The following NR6A1 variants were observed in gnomAD, a reference collection of about 807,000 sequenced individuals.
The protein encoded by NR6A1 is retinoic acid receptor-related testis-associated receptor.
In NR6A1, 7 loss-of-function variants were observed where a neutral mutation model predicts 59.1. That is an observed-to-expected ratio of 0.12 (90% CI 0.07 to 0.22). The LOEUF is 0.22. Among genes scored for constraint, NR6A1 ranks in the 10% least tolerant of loss-of-function variants. The pLI is 1.00. For missense variants in NR6A1, 468 were observed against 611.6 expected, an observed-to-expected ratio of 0.77 and a Z score of 2.48; for synonymous variants, 243 against 236.1, an observed-to-expected ratio of 1.03 and a Z score of -0.27.
At chr9:124,661,281 T>C (rs561819657) in intron 2 of NR6A1, among the ~76,000 whole-genome samples, 15 of 152,340 alleles carry the variant, frequency 9.8e-5, no homozygotes, top group African/African-American at 3.6e-4. Context: ...TTAATGGATA[T>C]TCTAAGTGAA....
chr9:124,737,234 C>T (rs1034363741), intron 1 of NR6A1, among the ~76,000 whole-genome samples: 2 of 152,178 alleles, frequency 1.3e-5, no homozygotes, highest in South Asian at 4.1e-4. Context: ...TCAGTAATTA[C>T]ATCTACATTC....
At chr9:124,598,943 G>A (rs1835363455) in intron 2 of NR6A1, 2 of 706,128 alleles carry the variant, frequency 2.8e-6, no homozygotes, top group Non-Finnish European at 5.3e-6. Context: ...CCAGACTCAG[G>A]CATGGTCATT....
chr9:124,761,299 T>C (rs939587623), intron 1 of NR6A1, among the ~76,000 whole-genome samples: 3 of 152,180 alleles, frequency 2.0e-5, no homozygotes, highest in African/African-American at 7.2e-5. Flanking sequence ...TTAGAGCTCT[T>C]AGGAAGGAAG....
At chr9:124,567,831 C>CTTTTTTTT (rs534591761) in intron 2 of NR6A1, among the ~76,000 whole-genome samples, 2 of 101,340 alleles carry the variant, frequency 2.0e-5, no homozygotes, top group African/African-American at 3.5e-5. Context: ...TAAAAATTTG[C>CTTTTTTTT]TTTTTTTTTT....
chr9:124,728,461 C>G (rs1299166334), intron 2 of NR6A1, among the ~76,000 whole-genome samples: 1 of 151,742 alleles, frequency 6.6e-6, no homozygotes, highest in African/African-American at 2.4e-5. Flanking sequence ...TGGTGAAACC[C>G]CATCTCTACT....
At chr9:124,740,348 TCAAAATC>T (rs1294579123) in intron 1 of NR6A1, among the ~76,000 whole-genome samples, 1 of 152,206 alleles carries the variant, frequency 6.6e-6, no homozygotes, top group African/African-American at 2.4e-5. Context: ...AAGACTGGTT[TCAAAATC>T]CAAAACACAA....
chr9:124,526,705 T>A lies in NR6A1; in HGVS notation c.1201+74A>T, dbSNP rs892980260. On this transcript the variant is annotated intron_variant, in intron 8 of 9. Coordinates refer to ENST00000487099, the MANE Select transcript of NR6A1 (RefSeq NM_033334.4). Reference sequence around the variant, plus strand: ...TGATAGTCCTGAGGGTAAGGAGGGGTGAAACAGGAGGGCAAATGCTCACTG... The same window carrying A: ...TGATAGTCCTGAGGGTAAGGAGGGGAGAAACAGGAGGGCAAATGCTCACTG... 4.3e-5 allele frequency: 69 copies of A among 1,587,724 alleles called. 1 individual carries two copies. Among genetic ancestry groups the A allele is most frequent in the Middle Eastern group, 1.7e-4 (1 of 5,922 alleles).
At chr9:124,702,772 A>G (rs1839002706) in intron 2 of NR6A1, among the ~76,000 whole-genome samples, 1 of 152,112 alleles carries the variant, frequency 6.6e-6, no homozygotes, top group South Asian at 2.1e-4. Context: ...TCAGAAGCCA[A>G]CAAAATGTTG....
chr9:124,667,608 A>T (rs1299824355), intron 2 of NR6A1, among the ~76,000 whole-genome samples: 1 of 152,162 alleles, frequency 6.6e-6, no homozygotes, highest in East Asian at 1.9e-4. Flanking sequence ...CAACAAATTT[A>T]ATCAGAAATT....
intron 2 of NR6A1, among the ~76,000 whole-genome samples, chr9:124,570,654 C>T (rs1202253980): frequency 7.8e-6 from 1 of 128,590 alleles, no homozygotes; most frequent in Non-Finnish European, 1.5e-5. Context: ...TCATAGCAAA[C>T]TTAGGTTTTC....
rs567439818 is a variant in NR6A1 at position 124,747,791 on chromosome 9, C to T, written c.101-14442G>A. Among the ~76,000 whole-genome samples the T allele has an allele frequency of 7.9e-5, 12 of 152,290 alleles. 1 individual carries two copies. The highest frequency in any genetic ancestry group is 2.6e-4 in the African/African-American group (11 of 41,574). ...CGAATAATATAGTCAATCACCAGGA[C>T]ATTTTCATTCTCTCTCAAATATCCC... On this transcript the variant is annotated intron_variant, in intron 1 of 9. Coordinates refer to ENST00000487099, the MANE Select transcript of NR6A1 (RefSeq NM_033334.4).
intron 3 of NR6A1, among the ~76,000 whole-genome samples, chr9:124,553,714 G>C (rs958864400): frequency 6.6e-6 from 1 of 151,134 alleles, no homozygotes; most frequent in Non-Finnish European, 1.5e-5. Flanking sequence ...TATTTCCCCC[G>C]TTCCTTCAGA....
At chr9:124,697,808 T>C (rs961360771) in intron 2 of NR6A1, among the ~76,000 whole-genome samples, 7 of 152,222 alleles carry the variant, frequency 4.6e-5, no homozygotes, top group Non-Finnish European at 8.8e-5. Flanking sequence ...TCTCAGCTGT[T>C]ACTTAGCAAC....
intron 2 of NR6A1, among the ~76,000 whole-genome samples, chr9:124,634,828 G>A (rs1836554781): frequency 6.6e-6 from 1 of 151,268 alleles, no homozygotes; most frequent in Admixed American, 6.6e-5. Flanking sequence ...TCAAAAAAAA[G>A]AGAGAGAGAG....
intron 7 of NR6A1, among the ~76,000 whole-genome samples, chr9:124,535,231 G>A (rs184794013): frequency 6.6e-6 from 1 of 152,208 alleles, no homozygotes; most frequent in Admixed American, 6.5e-5. Context: ...TTGCCTTGTA[G>A]GCAGAATTTA....
intron 2 of NR6A1, among the ~76,000 whole-genome samples, chr9:124,695,670 C>T (rs183578498): frequency 9.1e-4 from 139 of 152,110 alleles, no homozygotes; most frequent in Admixed American, 2.6e-3. Flanking sequence ...GCGCCCGGCC[C>T]GAGGGGGTCT....
intron 2 of NR6A1, among the ~76,000 whole-genome samples, chr9:124,601,763 G>A (rs1420750668): frequency 6.6e-6 from 1 of 151,496 alleles, no homozygotes; most frequent in Admixed American, 6.6e-5. Flanking sequence ...AGGAGTTCAA[G>A]GCCAGCTTTG....
Position 124,662,068 on chromosome 9 carries a change from T to TA in NR6A1, c.142+71239dup, listed in dbSNP as rs564061217. On this transcript the variant is annotated intron_variant, in intron 2 of 9. Coordinates refer to ENST00000487099, the MANE Select transcript of NR6A1 (RefSeq NM_033334.4). ...TGCCATAATACTTGAGAAATACCTT[T>TA]AAAAAAAAAAAAAGCATTTGAAACC... Among the ~76,000 whole-genome samples the TA allele has an allele frequency of 1.7e-3, 242 of 139,158 alleles. 3 individuals are homozygous for TA. Among genetic ancestry groups the TA allele is most frequent in the East Asian group, 4.5e-3 (22 of 4,900 alleles). The allele number at this position is 139,158 out of a possible 152,430, so 91.3% of individuals were successfully genotyped here. A position where few individuals can be genotyped will look rare whatever the true frequency, so the allele number is the denominator to read the frequency against.
intron 2 of NR6A1, among the ~76,000 whole-genome samples, chr9:124,597,325 G>C (rs1296259229): frequency 7.4e-6 from 1 of 136,044 alleles, no homozygotes; most frequent in African/African-American, 2.8e-5. Flanking sequence ...CTCAGTCCCT[G>C]TGGATTTAAC....
Sources: allele counts gnomAD v4.1 joint callset (sites outside exome capture counted in the v4.1 genomes callset), GRCh38; gene constraint gnomAD v4.1.1; transcripts MANE v1.5; gene names NCBI Gene and HGNC (gene_info 2026-07-23, HGNC 2026-07-21).